KCNH2: variants seen among roughly 807,000 people sequenced by gnomAD.
The protein encoded by KCNH2 is potassium voltage-gated channel subfamily H member 2.
Under a neutral mutation model 95.9 loss-of-function variants are expected in KCNH2, and 35 were observed. That is an observed-to-expected ratio of 0.37 (90% CI 0.28 to 0.48). The LOEUF is 0.48. Among genes scored for constraint, KCNH2 ranks in the 20% least tolerant of loss-of-function variants. The pLI is 0.99. For synonymous variants in KCNH2, 786 were observed against 754.7 expected (o/e 1.04, Z -0.68); for missense variants, 1,274 against 1,702.9 (o/e 0.75, Z 4.43).
Position 150,945,605 on chromosome 7 carries a change from T to C in KCNH2, c.3331-91A>G. 7.4e-7 allele frequency: 1 copy of C among 1,351,504 alleles called. No homozygotes were observed. The highest frequency in any genetic ancestry group is 1.0e-6 in the Non-Finnish European group (1 of 966,614). 83.7% of individuals were successfully genotyped at this position (1,351,504 alleles called of 1,614,324 possible). A position where few individuals can be genotyped will look rare whatever the true frequency, so the allele number is the denominator to read the frequency against. On this transcript the variant is annotated intron_variant, in intron 14 of 14. Transcript: ENST00000262186. This position sits in a 1 kb window ranked among gnomAD's most constrained non-coding sequence, Gnocchi z 5.6. The stretch of plus-strand genomic sequence containing the variant: ...GGCAGGAGAACCCGGGGACAGAGGA[T>C]GGACGGGAGGACAGGAGGGCCAAGA...
chr7:150,962,827 G>A lies in KCNH2; in HGVS notation c.308-3091C>T, dbSNP rs549422791. On this transcript the variant is annotated intron_variant, in intron 2 of 14. Transcript: ENST00000262186. This position sits in a 1 kb window ranked among gnomAD's most constrained non-coding sequence, Gnocchi z 5.7. Reference sequence around the variant, plus strand: ...AGGGGATGTGGAAGGAAGGAAAGTAGGGGCCCCAGATAGGCCTGGGCTCTC... The same window carrying A: ...AGGGGATGTGGAAGGAAGGAAAGTAAGGGCCCCAGATAGGCCTGGGCTCTC... 1.3e-3 allele frequency among the ~76,000 whole-genome samples: 200 copies of A among 152,220 alleles called. No individual in the cohort carries two copies. Among genetic ancestry groups the A allele is most frequent in the Non-Finnish European group, 2.3e-3 (159 of 67,990 alleles).
intron 5 of KCNH2, chr7:150,955,618 T>C: frequency 7.0e-7 from 1 of 1,433,796 alleles, no homozygotes. Context: ...GCTGGCCGAC[T>C]GGCAACCAGA....
In KCNH2 at chr7:150,958,402, C is replaced by G. The variant is rs1042630396; in HGVS notation, c.573G>C (p.Pro191=). ...GGTCCACGTCCACCACCACGGCCCCCGGGGCGCCCGCGCCGCCCGCGCCGC... is the reference window on the plus strand; with the variant it reads ...GGTCCACGTCCACCACCACGGCCCCGGGGGCGCCCGCGCCGCCCGCGCCGC... The part of the protein sequence containing the change: ...RSGGAGGAGA[P]GAVVVDVDLT... Residue 191 remains proline, a synonymous_variant, in exon 4 of 15, where the codon CCG becomes CCC. Coordinates refer to ENST00000262186, the MANE Select transcript of KCNH2 (RefSeq NM_000238.4). The G allele has an allele frequency of 2.1e-6, 3 of 1,450,628 alleles. No individual in the cohort carries two copies. Among genetic ancestry groups the G allele is most frequent in the Admixed American group, 5.4e-5 (2 of 36,870 alleles). 89.9% of individuals were successfully genotyped at this position (1,450,628 alleles called of 1,614,324 possible).
At chr7:150,949,408 ATT>A (rs1035990140) in intron 9 of KCNH2, 37,759 of 368,288 alleles carry the variant, frequency 0.1, 12 homozygotes, top group South Asian at 0.12. Context: ...CAAAACCAGC[ATT>A]TTTTTTTTTT....
chr7:150,946,903 TG>T lies in KCNH2; in HGVS notation c.3303del (p.Thr1102ProfsTer153). The T allele has an allele frequency of 1.3e-6, 2 of 1,580,846 alleles. No individual in the cohort carries two copies. Among genetic ancestry groups the T allele is most frequent in the Non-Finnish European group, 1.7e-6 (2 of 1,160,308 alleles). ...TGAGAAAGCGAGTCCAAGGTGAGGG[TG>T]GGGAGGGGGCTGACGGGCAACAGCG... ...TSPLLPVSPL[P>X]TLTLDSLSQV... On this transcript the variant is annotated frameshift_variant, in exon 14 of 15. Transcript: ENST00000262186. LOFTEE classifies it high-confidence loss of function. The surrounding 1 kb of genome is among the most constrained non-coding windows in gnomAD (Gnocchi z 6.5).
At position 150,955,777 on chromosome 7, in the gene KCNH2, G is replaced by A. The variant is rs867658779; in HGVS notation, c.1128+1514C>T. ...GCTGCCAGGGTGCCGTGCTCTGCCC[G>A]CCCGCCAGCCCAGCAGCGGCCGCAC... On this transcript the variant is annotated intron_variant, in intron 5 of 14. Transcript: ENST00000262186. 4.3e-5 allele frequency: 52 copies of A among 1,203,006 alleles called. No homozygotes were observed. In the Middle Eastern group the frequency reaches 9.9e-4, roughly 23 times the overall value. The allele number at this position is 1,203,006 out of a possible 1,614,324, so 74.5% of individuals were successfully genotyped here.
At chr7:150,973,312 C>G (rs1248602168) in intron 2 of KCNH2, among the ~76,000 whole-genome samples, 7 of 152,158 alleles carry the variant, frequency 4.6e-5, no homozygotes, top group Non-Finnish European at 1.5e-5. Context: ...CACAGGGCTC[C>G]GGTCAGACAG....
At chr7:150,959,195 T>G (rs1801483900) in intron 3 of KCNH2, among the ~76,000 whole-genome samples, 1 of 152,140 alleles carries the variant, frequency 6.6e-6, no homozygotes, top group African/African-American at 2.4e-5. Flanking sequence ...GGACACAGCT[T>G]CCTACTGAGG....
Position 150,958,141 on chromosome 7 carries a change from G to A in KCNH2, c.834C>T (p.Ser278=), listed in dbSNP as rs1801441486. The A allele has an allele frequency of 2.3e-6, 3 of 1,320,352 alleles. No individual in the cohort carries two copies. Among genetic ancestry groups the A allele is most frequent in the Non-Finnish European group, 2.9e-6 (3 of 1,038,374 alleles). 81.8% of individuals were successfully genotyped at this position (1,320,352 alleles called of 1,614,324 possible). Reference sequence around the variant, plus strand: ...CGTCGGCCGACGAGGCGCGGCGCACGCTGGCGCAGCTTTCTCGGGAGCGCG... The same window carrying A: ...CGTCGGCCGACGAGGCGCGGCGCACACTGGCGCAGCTTTCTCGGGAGCGCG... ...ARTRSRESCA[S]VRRASSADDI... The change falls in exon 4 of 15, where the codon AGC becomes AGT. Residue 278 remains serine (S), a synonymous_variant. Transcript: ENST00000262186.
At chr7:150,964,067 C>T (rs759604657) in intron 2 of KCNH2, among the ~76,000 whole-genome samples, 1 of 152,246 alleles carries the variant, frequency 6.6e-6, no homozygotes, top group Non-Finnish European at 1.5e-5. Context: ...CCTCTGGGCA[C>T]CGCTAGCCTA....
rs987873671 is a variant in KCNH2 at position 150,946,489 on chromosome 7, C to T, written c.3330+388G>A. 5.9e-5 allele frequency among the ~76,000 whole-genome samples: 9 copies of T among 152,328 alleles called. No individual in the cohort carries two copies. In the East Asian group the frequency reaches 1.2e-3, roughly 20 times the overall value. On this transcript the variant is annotated intron_variant, in intron 14 of 14. Coordinates refer to ENST00000262186, the MANE Select transcript of KCNH2 (RefSeq NM_000238.4). This position sits in a 1 kb window ranked among gnomAD's most constrained non-coding sequence, Gnocchi z 6.5. The stretch of plus-strand genomic sequence containing the variant: ...AGATACTCTGGTATGCAGCCTCCAC[C>T]GCCACGTCTCGGGCTCAGTCAGTTC...
At position 150,961,876 on chromosome 7, in the gene KCNH2, G is replaced by A. The variant is rs746650994; in HGVS notation, c.308-2140C>T. ...TGGCCAGGCTCGGGGATTCTAACCC[G>A]CTGGGGATTCATCTAGGGGAACGAG... On this transcript the variant is annotated intron_variant, in intron 2 of 14. Transcript: ENST00000262186. This position sits in a 1 kb window ranked among gnomAD's most constrained non-coding sequence, Gnocchi z 6.2. 5.9e-5 allele frequency among the ~76,000 whole-genome samples: 9 copies of A among 152,282 alleles called. No individual in the cohort carries two copies. The highest frequency in any genetic ancestry group is 3.4e-3 in the Middle Eastern group (1 of 294).
chr7:150,964,536 G>T (rs1024448585), intron 2 of KCNH2, among the ~76,000 whole-genome samples: 1 of 152,218 alleles, frequency 6.6e-6, no homozygotes, highest in African/African-American at 2.4e-5. Context: ...TGGGCTTCAG[G>T]CTCCCTGCGG....
chr7:150,955,921 G>A lies in KCNH2; in HGVS notation c.1128+1370C>T, dbSNP rs910730605. 2.7e-3 allele frequency: 2,187 copies of A among 801,498 alleles called. 5 individuals are homozygous for A. Among genetic ancestry groups the A allele is most frequent in the Non-Finnish European group, 2.9e-3 (2,039 of 698,754 alleles). 49.6% of individuals were successfully genotyped at this position (801,498 alleles called of 1,614,324 possible). ...CCAGCGGCCCCCTCCCCCGCAGCCC[G>A]CCCAGGCTCCTGCAGCGGCGCTCCC... On this transcript the variant is annotated intron_variant, in intron 5 of 14. Coordinates refer to ENST00000262186, the MANE Select transcript of KCNH2 (RefSeq NM_000238.4).
rs199472879 is a variant in KCNH2, at chr7:150,958,140, C to T, written c.835G>A (p.Val279Met). ...TCGTCGGCCGACGAGGCGCGGCGCACGCTGGCGCAGCTTTCTCGGGAGCGC... is the reference window on the plus strand; with the variant it reads ...TCGTCGGCCGACGAGGCGCGGCGCATGCTGGCGCAGCTTTCTCGGGAGCGC... Reference protein sequence around the residue: ...RTRSRESCASVRRASSADDIE... With the variant: ...RTRSRESCASMRRASSADDIE... Residue 279 changes from valine to methionine, a missense_variant, in exon 4 of 15, where the codon GTG becomes ATG. Transcript: ENST00000262186. 7.6e-7 allele frequency: 1 copy of T among 1,319,114 alleles called. No individual in the cohort carries two copies. The highest frequency in any genetic ancestry group is 9.6e-7 in the Non-Finnish European group (1 of 1,037,624). 81.7% of individuals were successfully genotyped at this position (1,319,114 alleles called of 1,614,324 possible). A position where few individuals can be genotyped will look rare whatever the true frequency, so the allele number is the denominator to read the frequency against.
chr7:150,965,808 C>T (rs1584874116), intron 2 of KCNH2, among the ~76,000 whole-genome samples: 1 of 152,290 alleles, frequency 6.6e-6, no homozygotes, highest in East Asian at 1.9e-4. Context: ...TGAGGGTGGA[C>T]TCAGGGGTGG....
intron 2 of KCNH2, among the ~76,000 whole-genome samples, chr7:150,972,074 C>T (rs980542873): frequency 1.3e-5 from 2 of 152,182 alleles, no homozygotes; most frequent in Non-Finnish European, 2.9e-5. Flanking sequence ...GAGCCCCAGG[C>T]ACCTCATGTC....
intron 5 of KCNH2, among the ~76,000 whole-genome samples, chr7:150,954,143 G>A (rs879672248): frequency 6.6e-6 from 1 of 152,234 alleles, no homozygotes; most frequent in Non-Finnish European, 1.5e-5. Context: ...CCTAGGGCAG[G>A]GAGGGAACAC....
intron 2 of KCNH2, among the ~76,000 whole-genome samples, chr7:150,965,918 C>T (rs1801690869): frequency 6.6e-6 from 1 of 152,232 alleles, no homozygotes; most frequent in African/African-American, 2.4e-5. Flanking sequence ...GCAGAATTTG[C>T]CCATTTCAAG....
Sources: gnomAD v4.1 joint callset for allele counts (sites outside exome capture counted in the v4.1 genomes callset) on GRCh38, gnomAD v4.1.1 for gene constraint, Gnocchi (gnomAD v3.1) non-coding constraint, MANE v1.5 for transcripts, NCBI Gene and HGNC (gene_info 2026-07-23, HGNC 2026-07-21) for gene names.